The following CD72 variants were observed in gnomAD, a reference collection of about 807,000 sequenced individuals.
The protein encoded by CD72 is B-cell differentiation antigen CD72.
CD72 carries 28 observed loss-of-function variants against 50.7 expected under a neutral mutation model. The ratio of observed to expected loss-of-function variants is 0.55; its 90% CI spans 0.41 to 0.76. The LOEUF (loss-of-function observed/expected upper bound fraction) is 0.76, where lower values mean the gene tolerates loss of function less well. CD72 is among the 30% of genes least tolerant of loss of function. CD72 has a pLI of 0.00. For missense variants in CD72, 403 were observed against 420.6 expected (o/e 0.96, Z 0.37); for synonymous variants, 176 against 171.2 (o/e 1.03, Z -0.22).
At chr9:35,640,270 A>G (rs1057305492) in intron 1 of CD72, among the ~76,000 whole-genome samples, 4 of 152,226 alleles carry the variant, frequency 2.6e-5, no homozygotes, top group Non-Finnish European at 1.5e-5. Context: ...CTGAACAACT[A>G]GCTATAAATT....
At chr9:35,627,376 C>G (rs906099159) in intron 1 of CD72, among the ~76,000 whole-genome samples, 31 of 152,030 alleles carry the variant, frequency 2.0e-4, no homozygotes, top group Non-Finnish European at 4.4e-5. Flanking sequence ...GCAATTCACC[C>G]ACCTCGGCCT....
At chr9:35,631,665 G>A (rs1215703052) in intron 1 of CD72, among the ~76,000 whole-genome samples, 7 of 152,120 alleles carry the variant, frequency 4.6e-5, no homozygotes, top group Non-Finnish European at 8.8e-5. Context: ...AGGCCGAGGC[G>A]GGCGGATCAC....
At chr9:35,630,919 A>G (rs190787836) in intron 1 of CD72, among the ~76,000 whole-genome samples, 14 of 152,310 alleles carry the variant, frequency 9.2e-5, no homozygotes, top group African/African-American at 3.4e-4. Context: ...ACAAAATAAT[A>G]ATAATAGTAA....
chr9:35,633,524 T>C lies in CD72; in HGVS notation n.408+12879A>G, dbSNP rs1440299829. On this transcript the variant is annotated intron_variant and non_coding_transcript_variant, in intron 1 of 3. Transcript: ENST00000465754. ...TTTTCATTCTTTTTTTAAAAACCAG[T>C]TTTATTGCATTGTAATTTATATACA... 3.3e-5 allele frequency among the ~76,000 whole-genome samples: 5 copies of C among 152,178 alleles called. No homozygotes were observed. The East Asian group carries it at 9.6e-4, about 29-fold the overall frequency.
intron 1 of CD72, among the ~76,000 whole-genome samples, chr9:35,631,231 C>A (rs1450115119): frequency 6.6e-6 from 1 of 151,768 alleles, no homozygotes; most frequent in African/African-American, 2.4e-5. Context: ...TTTTACTAGT[C>A]TTTTGGTTTT....
intron 1 of CD72, chr9:35,642,893 C>T (rs1823352408): frequency 6.6e-6 from 1 of 152,170 alleles, no homozygotes; most frequent in Admixed American, 6.5e-5. Flanking sequence ...AAAACTCCAA[C>T]AATTGGATTC....
chr9:35,642,764 C>T (rs1421083533), intron 1 of CD72: 1 of 152,156 alleles, frequency 6.6e-6, no homozygotes, highest in Non-Finnish European at 1.5e-5. Flanking sequence ...TTTCGCTGTA[C>T]CTGGGAATCC....
Position 35,618,331 on chromosome 9 carries a change from T to C in CD72, c.-28A>G. ...TCCTGAGCAGCTCTGCCCCCACTCG[T>C]CTTCCCTGTCATCCACTGTCCTCCC... On this transcript the variant is annotated 5_prime_UTR_variant, in exon 1 of 9. Coordinates refer to ENST00000259633, the MANE Select transcript of CD72 (RefSeq NM_001782.3). 2 of 1,613,920 alleles carry C rather than the reference T, an allele frequency of 1.2e-6. No homozygotes were observed. Among genetic ancestry groups the C allele is most frequent in the Non-Finnish European group, 1.7e-6 (2 of 1,179,898 alleles).
intron 1 of CD72, among the ~76,000 whole-genome samples, chr9:35,633,026 G>A (rs1823260496): frequency 6.6e-6 from 1 of 151,106 alleles, no homozygotes. Flanking sequence ...CACCTCCTGG[G>A]CTCAATCTAA....
chr9:35,622,927 C>T (rs921166375), upstream of CD72, among the ~76,000 whole-genome samples: 2 of 151,996 alleles, frequency 1.3e-5, no homozygotes, highest in Non-Finnish European at 2.9e-5. Flanking sequence ...GCCAACACAG[C>T]GAGACTCCAT....
rs1823101829 is a variant in CD72 at position 35,618,390 on chromosome 9, GCTCTGTGTTCC to G, written c.-98_-88del. On this transcript the variant is annotated 5_prime_UTR_variant, in exon 1 of 9. Transcript: ENST00000259633. ...CTCGTCTCTGTCCGTTTACAACTAG[GCTCTGTGTTCC>G]CTCTGTGACTGCACGGCTTAGCAAT... is the stretch of plus-strand genomic sequence containing the variant. 1.9e-6 allele frequency: 3 copies of G among 1,587,688 alleles called. No individual in the cohort carries two copies. Among genetic ancestry groups the G allele is most frequent in the Non-Finnish European group, 2.6e-6 (3 of 1,167,210 alleles).
chr9:35,635,146 A>G lies in CD72; in HGVS notation n.408+11257T>C, dbSNP rs1823278126. On this transcript the variant is annotated intron_variant and non_coding_transcript_variant, in intron 1 of 3. Transcript: ENST00000465754. ...AATAACTTGCTTTCTGCCTTAAAGTATGTAAGATTTCCTATATTCTTAGAG... is the reference window on the plus strand; with the variant it reads ...AATAACTTGCTTTCTGCCTTAAAGTGTGTAAGATTTCCTATATTCTTAGAG... Among the ~76,000 whole-genome samples, 2 of 152,194 alleles carry G rather than the reference A, an allele frequency of 1.3e-5. 1 individual carries two copies. Among genetic ancestry groups the G allele is most frequent in the South Asian group, 4.1e-4 (2 of 4,836 alleles).
intron 5 of CD72, among the ~76,000 whole-genome samples, chr9:35,614,585 T>G (rs1823039482): frequency 6.6e-6 from 1 of 152,036 alleles, no homozygotes. Context: ...GAGACTAGAG[T>G]CTCAGTGGCA....
intron 1 of CD72, 36 bp downstream of exon 1, chr9:35,618,186 G>T: frequency 6.2e-7 from 1 of 1,607,802 alleles, no homozygotes; most frequent in Non-Finnish European, 8.5e-7. Flanking sequence ...CGGGAAGTGG[G>T]GATGCAGGAT....
At chr9:35,635,116 G>GA (rs1170418732) in intron 1 of CD72, among the ~76,000 whole-genome samples, 16 of 152,200 alleles carry the variant, frequency 1.1e-4, no homozygotes, top group Non-Finnish European at 2.4e-4. Flanking sequence ...TTGCAGATGA[G>GA]AAAAAATAAC....
At chr9:35,616,724 G>GC (rs1823070441) in intron 3 of CD72, 35 bp from the exon 4 acceptor site, 1 of 1,537,720 alleles carries the variant, frequency 6.5e-7, no homozygotes, top group Non-Finnish European at 9.0e-7. Context: ...AGGGCAGTCA[G>GC]CCCCCGTAAA....
At chr9:35,634,040 G>C (rs910604589) in intron 1 of CD72, among the ~76,000 whole-genome samples, 2 of 152,036 alleles carry the variant, frequency 1.3e-5, no homozygotes, top group Admixed American at 6.6e-5. Context: ...GTCTTTTAAT[G>C]GTAGATTTCA....
chr9:35,638,958 C>T (rs2039767), intron 1 of CD72, among the ~76,000 whole-genome samples: 60,827 of 152,108 alleles, frequency 0.4, 12,966 homozygotes, highest in Non-Finnish European at 0.47. Flanking sequence ...GTTCCTGGCC[C>T]GCTTGGCAGC....
intron 1 of CD72, among the ~76,000 whole-genome samples, chr9:35,632,247 G>A (rs931634615): frequency 6.7e-6 from 1 of 150,148 alleles, no homozygotes; most frequent in Non-Finnish European, 1.5e-5. Flanking sequence ...GCGCGATCTC[G>A]GCTCACTGCA....
Sources: gnomAD v4.1 joint callset for allele counts (sites outside exome capture counted in the v4.1 genomes callset) on GRCh38, gnomAD v4.1.1 for gene constraint, MANE v1.5 for transcripts, NCBI Gene and HGNC (gene_info 2026-07-23, HGNC 2026-07-21) for gene names.